Variants in MACROD2 observed in about 807,000 individuals in gnomAD.
MACROD2 encodes ADP-ribose glycohydrolase MACROD2.
Under a neutral mutation model 70.4 loss-of-function variants are expected in MACROD2, and 36 were observed. That is an observed-to-expected ratio of 0.51 (90% confidence interval 0.39 to 0.68). The LOEUF is 0.68. Ranked by LOEUF, MACROD2 falls within the 30% of genes least tolerant of loss-of-function variation. The pLI is 0.00. For synonymous variants in MACROD2, 172 were observed against 178.8 expected (o/e 0.96, Z 0.30); for missense variants, 496 against 538.4 (o/e 0.92, Z 0.78).
chr20:15,161,770 T>A (rs539351435), intron 5 of MACROD2, among the ~76,000 whole-genome samples: 1 of 152,028 alleles, frequency 6.6e-6, no homozygotes, highest in Non-Finnish European at 1.5e-5. Context: ...CTACACTTAA[T>A]TTCTACGTAG....
chr20:15,189,023 A>C (rs1219714257), intron 5 of MACROD2, among the ~76,000 whole-genome samples: 1 of 152,156 alleles, frequency 6.6e-6, no homozygotes, highest in Admixed American at 6.5e-5. Flanking sequence ...TTAATTTCCT[A>C]TCCCCTTTAG....
At chr20:14,050,686 CAGAG>C (rs1368959511) in intron 2 of MACROD2, among the ~76,000 whole-genome samples, 2 of 152,118 alleles carry the variant, frequency 1.3e-5, no homozygotes, top group Non-Finnish European at 2.9e-5. Flanking sequence ...ATAATAACCT[CAGAG>C]AGATTTCAGA....
intron 5 of MACROD2, among the ~76,000 whole-genome samples, chr20:15,178,747 T>A (rs2076479855): frequency 6.6e-6 from 1 of 152,208 alleles, no homozygotes; most frequent in Non-Finnish European, 1.5e-5. Context: ...AATAAAATGT[T>A]ACAAATGACC....
intron 5 of MACROD2, among the ~76,000 whole-genome samples, chr20:15,211,696 GC>G (rs1318641565): frequency 2.0e-5 from 3 of 151,992 alleles, no homozygotes; most frequent in Non-Finnish European, 4.4e-5. Flanking sequence ...CTCACCAGAA[GC>G]AGATGCTGGT....
At chr20:15,657,773 A>C (rs1471679431) in intron 8 of MACROD2, among the ~76,000 whole-genome samples, 2 of 152,162 alleles carry the variant, frequency 1.3e-5, no homozygotes, top group African/African-American at 4.8e-5. Context: ...CAGGCAGATC[A>C]GCTGAGGTCA....
chr20:14,609,236 T>C (rs926466909), intron 4 of MACROD2, among the ~76,000 whole-genome samples: 2 of 103,386 alleles, frequency 1.9e-5, no homozygotes, highest in African/African-American at 5.4e-5. Flanking sequence ...ACAGAGAGCG[T>C]CATAACATTA....
At chr20:14,688,358 T>C (rs1398282670) in intron 5 of MACROD2, among the ~76,000 whole-genome samples, 1 of 152,166 alleles carries the variant, frequency 6.6e-6, no homozygotes, top group Non-Finnish European at 1.5e-5. Context: ...ATTAATCTAT[T>C]CATAAATGGT....
intron 7 of MACROD2, among the ~76,000 whole-genome samples, chr20:15,472,485 T>A (rs1407692583): frequency 6.6e-6 from 1 of 152,198 alleles, no homozygotes; most frequent in Non-Finnish European, 1.5e-5. Context: ...TTACTTTGTC[T>A]AATACTAAAT....
At chr20:15,839,369 C>T (rs1188874947) in intron 8 of MACROD2, among the ~76,000 whole-genome samples, 3 of 152,050 alleles carry the variant, frequency 2.0e-5, no homozygotes, top group Non-Finnish European at 4.4e-5. Flanking sequence ...GAGTACATCC[C>T]GATTCCTTGA....
intron 5 of MACROD2, among the ~76,000 whole-genome samples, chr20:14,871,827 A>G (rs1336291677): frequency 2.0e-5 from 3 of 152,162 alleles, no homozygotes; most frequent in African/African-American, 7.2e-5. Flanking sequence ...ATGGAGAAAA[A>G]TCTACCAAGC....
chr20:14,022,965 T>G (rs530004948), intron 2 of MACROD2, among the ~76,000 whole-genome samples: 1 of 152,370 alleles, frequency 6.6e-6, no homozygotes, highest in South Asian at 2.1e-4. Context: ...ATGGGATTGC[T>G]GGGCCAAATG....
At chr20:15,998,941 C>G (rs114634419) in intron 15 of MACROD2, among the ~76,000 whole-genome samples, 3,057 of 151,956 alleles carry the variant, frequency 0.02, 105 homozygotes, top group African/African-American at 0.071. Flanking sequence ...TTTTGTTCAT[C>G]CTTTTTATTG....
Position 15,251,712 on chromosome 20 carries a change from G to A in MACROD2, c.540+21651G>A, listed in dbSNP as rs1396877899. Among the ~76,000 whole-genome samples, 5 of 151,998 alleles carry A rather than the reference G, an allele frequency of 3.3e-5. No individual in the cohort carries two copies. The East Asian group carries it at 7.7e-4, about 23-fold the overall frequency. ...TATTTTCCAAGTGACTAGCTGAAAA[G>A]AAAAACAGTGAATCGGTGCTAAGTT... On this transcript the variant is annotated intron_variant, in intron 6 of 17. Transcript: ENST00000684519.
chr20:15,936,665 A>G (rs530662491), intron 11 of MACROD2, among the ~76,000 whole-genome samples: 2 of 38,660 alleles, frequency 5.2e-5, no homozygotes, highest in African/African-American at 5.5e-5. Flanking sequence ...TAATGTGTAT[A>G]TGTGTGTATA....
chr20:14,942,374 A>C (rs2074397459), intron 5 of MACROD2, among the ~76,000 whole-genome samples: 1 of 129,684 alleles, frequency 7.7e-6, no homozygotes, highest in Admixed American at 7.4e-5. Context: ...CTTTCTCCTT[A>C]TCCTCCTTTT....
At chr20:14,841,229 A>G (rs2073083643) in intron 5 of MACROD2, among the ~76,000 whole-genome samples, 1 of 152,172 alleles carries the variant, frequency 6.6e-6, no homozygotes, top group Non-Finnish European at 1.5e-5. Context: ...AGATAAAATA[A>G]TGAAGAAAAG....
intron 8 of MACROD2, among the ~76,000 whole-genome samples, chr20:15,581,150 G>A (rs1164097999): frequency 6.6e-6 from 1 of 152,206 alleles, no homozygotes; most frequent in African/African-American, 2.4e-5. Flanking sequence ...ATGGGGAAGG[G>A]AGATGTCAGA....
chr20:15,820,110 T>C (rs2147101184), intron 8 of MACROD2, among the ~76,000 whole-genome samples: 1 of 152,206 alleles, frequency 6.6e-6, no homozygotes. Flanking sequence ...GAAGCGACAC[T>C]GTGTGCTGAA....
intron 3 of MACROD2, among the ~76,000 whole-genome samples, chr20:14,107,035 C>A (rs1414900340): frequency 6.6e-6 from 1 of 152,180 alleles, no homozygotes; most frequent in Non-Finnish European, 1.5e-5. Context: ...AAAATGACCT[C>A]ACCCAATGAA....
Sources: allele counts gnomAD v4.1 joint callset (sites outside exome capture counted in the v4.1 genomes callset), GRCh38; gene constraint gnomAD v4.1.1; transcripts MANE v1.5; gene names NCBI Gene and HGNC (gene_info 2026-07-23, HGNC 2026-07-21).